The following SLC12A9 variants were observed in gnomAD, a reference collection of about 807,000 sequenced individuals.
SLC12A9 encodes CCC-interacting protein 1.
In SLC12A9, 55 loss-of-function variants were observed where a neutral mutation model predicts 66.0. The ratio of observed to expected loss-of-function variants is 0.83; its 90% CI spans 0.67 to 1.04. The LOEUF (loss-of-function observed/expected upper bound fraction) is 1.04. SLC12A9 is among the 50% of genes least tolerant of loss of function. SLC12A9 has a pLI of 0.00. For missense variants in SLC12A9, 1,061 were observed against 1,241.9 expected (o/e 0.85, Z 2.19); for synonymous variants, 577 against 569.0 (o/e 1.01, Z -0.20).
chr7:100,854,818 G>C (rs769474914), intron 3 of SLC12A9, 64 bp downstream of exon 3: 8 of 1,589,014 alleles, frequency 5.0e-6, no homozygotes, highest in Non-Finnish European at 6.9e-6. Context: ...GGTGTGGAAG[G>C]GGCCATTACC....
At chr7:100,829,303 G>C (rs934600836) in intron 1 of SLC12A9, among the ~76,000 whole-genome samples, 4 of 152,052 alleles carry the variant, frequency 2.6e-5, no homozygotes, top group Admixed American at 1.3e-4. Flanking sequence ...ACAGAATCTT[G>C]AGGAGCCCAG....
chr7:100,863,373 C>CT (rs34098933), intron 13 of SLC12A9, among the ~76,000 whole-genome samples: 61,741 of 151,212 alleles, frequency 0.41, 14,786 homozygotes, highest in East Asian at 0.79. Context: ...GCCTTTCCTT[C>CT]TTTTTTTTTC....
intron 1 of SLC12A9, among the ~76,000 whole-genome samples, chr7:100,841,744 T>A (rs1323006368): frequency 6.6e-6 from 1 of 152,144 alleles, no homozygotes. Context: ...GCTTATCTGG[T>A]ATGAAAATCA....
At chr7:100,859,336 A>G in intron 7 of SLC12A9, 175 bp downstream of exon 7, 1 of 627,626 alleles carries the variant, frequency 1.6e-6, no homozygotes, top group Non-Finnish European at 2.8e-6. Context: ...GTACTGTTGC[A>G]GGCACTTAGC....
chr7:100,854,422 A>G (rs769258565), intron 2 of SLC12A9, 44 bp downstream of exon 2: 1 of 1,599,086 alleles, frequency 6.3e-7, no homozygotes, highest in Non-Finnish European at 8.5e-7. Flanking sequence ...ATAGTATGGG[A>G]GGACATGATG....
Position 100,855,766 on chromosome 7 carries a change from T to C in SLC12A9, c.377T>C (p.Leu126Pro). The C allele has an allele frequency of 6.2e-7, 1 of 1,614,170 alleles. No homozygotes were observed. The highest frequency in any genetic ancestry group is 8.5e-7 in the Non-Finnish European group (1 of 1,180,010). Residue 126 changes from leucine (L) to proline (P), a missense_variant, in exon 4 of 14, where the codon CTG becomes CCG. Physicochemically the swap from Leu to Pro is moderately conservative, Grantham distance 98. Coordinates refer to ENST00000354161, the MANE Select transcript of SLC12A9 (RefSeq NM_020246.4). Reference protein sequence around the residue: ...VGGSIGLMFYLANVCGCAVSL... With the variant: ...VGGSIGLMFYPANVCGCAVSL... ...GGCAGCATTGGGCTCATGTTCTACC[T>C]GGCTAACGTCTGTGGCTGTGCCGTC...
At chr7:100,836,038 C>G (rs1392055857) in intron 1 of SLC12A9, among the ~76,000 whole-genome samples, 3 of 152,116 alleles carry the variant, frequency 2.0e-5, no homozygotes, top group Non-Finnish European at 4.4e-5. Flanking sequence ...AGGGGGAAGT[C>G]TTTTGTTTCC....
Position 100,861,873 on chromosome 7 carries a change from G to C in SLC12A9, c.1673G>C (p.Gly558Ala), listed in dbSNP as rs745538841. The change falls in exon 12 of 14, where the codon GGG (glycine) becomes GCG (alanine). Residue 558 changes from glycine (G) to alanine (A), a missense_variant. Transcript: ENST00000354161. This position sits in a 1 kb window ranked among gnomAD's most constrained non-coding sequence, Gnocchi z 5.3. ...LRLANQLKKG[G>A]LYVLGHVTLG... is the part of the protein sequence containing the mutation. The stretch of plus-strand genomic sequence containing the variant: ...TTGGCCAACCAGCTTAAGAAGGGGG[G>C]GCTGTATGTGCTGGGCCACGTCACC... The C allele has an allele frequency of 1.6e-5, 26 of 1,612,934 alleles. No individual in the cohort carries two copies. The highest frequency in any genetic ancestry group is 3.3e-5 in the Admixed American group (2 of 59,900).
chr7:100,860,253 G>A (rs756261828), intron 9 of SLC12A9, 21 bp downstream of exon 9: 1 of 1,610,400 alleles, frequency 6.2e-7, no homozygotes, highest in Admixed American at 1.7e-5. Context: ...TTCTTCAAGG[G>A]GCCCTTTCCC....
Position 100,866,593 on chromosome 7 carries a change from C to A in SLC12A9, c.2733C>A (p.Cys911Ter). The change falls in exon 14 of 14, where the codon TGC becomes TGA. Residue 911 changes from cysteine (C) to a stop codon, truncating the protein, a stop_gained. Coordinates refer to ENST00000354161, the MANE Select transcript of SLC12A9 (RefSeq NM_020246.4). LOFTEE classifies it high-confidence loss of function. This position sits in a 1 kb window ranked among gnomAD's most constrained non-coding sequence, Gnocchi z 7.3. The part of the protein sequence containing the change: ...LLVHGVTPVT[C>*]TDL ...TTCATGGGGTCACTCCAGTCACCTG[C>A]ACTGATCTGTGATGCCCCTGCCTCC... The A allele has an allele frequency of 6.3e-7, 1 of 1,578,404 alleles. No individual in the cohort carries two copies. The highest frequency in any genetic ancestry group is 8.6e-7 in the Non-Finnish European group (1 of 1,162,788).
At position 100,830,019 on chromosome 7, in the gene SLC12A9, C is replaced by T. The variant is rs1388533391; in HGVS notation, n.228+2972C>T. Among the ~76,000 whole-genome samples the T allele has an allele frequency of 2.6e-5, 4 of 151,726 alleles. No homozygotes were observed. In the East Asian group the frequency reaches 7.8e-4, roughly 29 times the overall value. On this transcript the variant is annotated intron_variant and non_coding_transcript_variant, in intron 1 of 1. Transcript: ENST00000461016. ...CTCCAGCCTGGGCAACAGAGCCACA[C>T]TCTGTCTCCAAAAAATATATAAAGT...
exon 1 of SLC12A9, chr7:100,826,925 G>T: frequency 6.6e-7 from 1 of 1,520,216 alleles, no homozygotes; most frequent in Non-Finnish European, 8.9e-7. Context: ...CCCAGATGTT[G>T]GGGGGGAGGT....
intron 1 of SLC12A9, among the ~76,000 whole-genome samples, chr7:100,834,095 G>A (rs1813596422): frequency 6.6e-6 from 1 of 152,136 alleles, no homozygotes; most frequent in Admixed American, 6.6e-5. Flanking sequence ...AACTTGTGGT[G>A]CACAGAGGAC....
At chr7:100,864,226 C>T (rs79589228) in intron 13 of SLC12A9, among the ~76,000 whole-genome samples, 4 of 151,908 alleles carry the variant, frequency 2.6e-5, no homozygotes, top group East Asian at 1.9e-4. Flanking sequence ...TACAGATATA[C>T]GCCAGCATTG....
rs773241591 is a variant in SLC12A9 at position 100,859,090 on chromosome 7, G to T, written c.906G>T (p.Thr302=). The T allele has an allele frequency of 6.2e-7, 1 of 1,613,844 alleles. No individual in the cohort carries two copies. The highest frequency in any genetic ancestry group is 2.2e-5 in the East Asian group (1 of 44,894). The change falls in exon 7 of 14, where the codon ACG becomes ACT. Residue 302 remains threonine (T), a synonymous_variant. Transcript: ENST00000354161. ...KDPSRAIPLG[T]IVAVAYTFFV... is the part of the protein sequence containing the mutation. The stretch of plus-strand genomic sequence containing the variant: ...CCAGCCGGGCGATCCCTCTGGGCAC[G>T]ATCGTCGCCGTCGCCTACACCTTCT...
intron 1 of SLC12A9, among the ~76,000 whole-genome samples, chr7:100,839,140 G>A (rs1051063990): frequency 6.6e-6 from 1 of 151,996 alleles, no homozygotes; most frequent in Non-Finnish European, 1.5e-5. Flanking sequence ...TGGCTAACAC[G>A]GTGAAACCCT....
Position 100,865,865 on chromosome 7 carries a change from C to G in SLC12A9, c.2005C>G (p.Pro669Ala). Reference sequence around the variant, plus strand: ...AGCTCTGAGCACCCTGTTCCCTCCTCCCCGGGCTCCTGGGAGCCCCCGGGC... The same window carrying G: ...AGCTCTGAGCACCCTGTTCCCTCCTGCCCGGGCTCCTGGGAGCCCCCGGGC... ...SPALSTLFPP[P>A]RAPGSPRALN... Residue 669 changes from proline to alanine, a missense_variant, in exon 14 of 14, where the codon CCC becomes GCC. Physicochemically the swap from Pro to Ala is conservative, Grantham distance 27. Transcript: ENST00000354161. The G allele has an allele frequency of 6.2e-7, 1 of 1,613,762 alleles. No homozygotes were observed. The highest frequency in any genetic ancestry group is 8.5e-7 in the Non-Finnish European group (1 of 1,180,026).
In SLC12A9 at chr7:100,861,665, C is replaced by T. The variant is rs909515342; in HGVS notation, c.1537-72C>T. ...TCTCTTTGGCTGGAGTTGGTGCTCC[C>T]GTCCAGGAGGCGCTGAACGGGGCTG... is the stretch of plus-strand genomic sequence containing the variant. On this transcript the variant is annotated intron_variant, in intron 11 of 13. Transcript: ENST00000354161. The surrounding 1 kb of genome is among the most constrained non-coding windows in gnomAD (Gnocchi z 5.3). 243 of 1,608,350 alleles carry T rather than the reference C, an allele frequency of 1.5e-4. No homozygotes were observed. Among genetic ancestry groups the T allele is most frequent in the Non-Finnish European group, 2.0e-4 (235 of 1,175,414 alleles).
Position 100,866,189 on chromosome 7 carries a change from G to C in SLC12A9, c.2329G>C (p.Ala777Pro). The change falls in exon 14 of 14, where the codon GCG becomes CCG. Residue 777 changes from alanine (A) to proline (P), a missense_variant. Coordinates refer to ENST00000354161, the MANE Select transcript of SLC12A9 (RefSeq NM_020246.4). This position sits in a 1 kb window ranked among gnomAD's most constrained non-coding sequence, Gnocchi z 7.3. Reference sequence around the variant, plus strand: ...CTTCCTGTGCCTGGGGCCTCGGGAGGCGCCTGGGGCGGCCGAGGGGCGGCT... The same window carrying C: ...CTTCCTGTGCCTGGGGCCTCGGGAGCCGCCTGGGGCGGCCGAGGGGCGGCT... ...RIFLCLGPRE[A>P]PGAAEGRLRA... 6.2e-7 allele frequency: 1 copy of C among 1,611,756 alleles called. No individual in the cohort carries two copies. Among genetic ancestry groups the C allele is most frequent in the Non-Finnish European group, 8.5e-7 (1 of 1,179,368 alleles).
Sources: allele counts gnomAD v4.1 joint callset (sites outside exome capture counted in the v4.1 genomes callset), GRCh38; gene constraint gnomAD v4.1.1; non-coding constraint Gnocchi (gnomAD v3.1); transcripts MANE v1.5; gene names NCBI Gene and HGNC (gene_info 2026-07-23, HGNC 2026-07-21).